PARD3: variants seen among roughly 807,000 people sequenced by gnomAD.
PARD3 encodes the protein par-3 family cell polarity regulator.
PARD3 carries 75 observed loss-of-function variants against 155.4 expected under a neutral mutation model. The ratio of observed to expected loss-of-function variants is 0.48; its 90% CI spans 0.40 to 0.58. The LOEUF (loss-of-function observed/expected upper bound fraction) is 0.58. Among genes scored for constraint, PARD3 ranks in the 20% least tolerant of loss-of-function variants. The pLI, the probability that PARD3 is intolerant of heterozygous loss-of-function variation, is 0.00. For missense variants in PARD3, 1,642 were observed against 1,721.7 expected (o/e 0.95, Z 0.82); for synonymous variants, 576 against 610.5 (o/e 0.94, Z 0.83).
intron 21 of PARD3, among the ~76,000 whole-genome samples, chr10:34,277,714 A>G (rs999857239): frequency 1.3e-5 from 2 of 152,116 alleles, no homozygotes; most frequent in African/African-American, 4.8e-5. Flanking sequence ...ATGAGATGAA[A>G]CTGGTTTTAA....
chr10:34,220,706 T>C (rs1166482389), intron 22 of PARD3, among the ~76,000 whole-genome samples: 2 of 152,192 alleles, frequency 1.3e-5, no homozygotes, highest in African/African-American at 2.4e-5. Context: ...TAGGTCCTAG[T>C]TGGGAAGATT....
chr10:34,237,694 G>A (rs1007351100), intron 22 of PARD3, among the ~76,000 whole-genome samples: 1 of 152,080 alleles, frequency 6.6e-6, no homozygotes, highest in Non-Finnish European at 1.5e-5. Flanking sequence ...ATTTGATTAG[G>A]ACATTATTCT....
At chr10:34,545,884 T>A (rs929248568) in intron 2 of PARD3, among the ~76,000 whole-genome samples, 9 of 152,084 alleles carry the variant, frequency 5.9e-5, no homozygotes, top group African/African-American at 2.2e-4. Context: ...TTAAAACCTA[T>A]GTAGTTATTA....
At chr10:34,660,348 T>C (rs1234494632) in intron 2 of PARD3, among the ~76,000 whole-genome samples, 1 of 152,216 alleles carries the variant, frequency 6.6e-6, no homozygotes, top group Non-Finnish European at 1.5e-5. Flanking sequence ...AAATAATATC[T>C]AGATAAATAC....
intron 14 of PARD3, among the ~76,000 whole-genome samples, chr10:34,355,573 T>A (rs182661632): frequency 6.6e-6 from 1 of 152,130 alleles, no homozygotes; most frequent in African/African-American, 2.4e-5. Flanking sequence ...GTATTCATCC[T>A]AACAAGTGGT....
chr10:34,750,250 T>C (rs577372847), intron 1 of PARD3, among the ~76,000 whole-genome samples: 13 of 152,072 alleles, frequency 8.5e-5, no homozygotes, highest in African/African-American at 2.7e-4. Flanking sequence ...CAGTTTGGGA[T>C]TGAAAACAGA....
At chr10:34,799,387 T>C (rs1295570506) in intron 1 of PARD3, among the ~76,000 whole-genome samples, 1 of 151,922 alleles carries the variant, frequency 6.6e-6, no homozygotes, top group East Asian at 1.9e-4. Flanking sequence ...GGCCCCGAGA[T>C]TGTACATTTC....
intron 2 of PARD3, among the ~76,000 whole-genome samples, chr10:34,521,061 A>G (rs1450214640): frequency 6.6e-6 from 1 of 152,202 alleles, no homozygotes; most frequent in Non-Finnish European, 1.5e-5. Flanking sequence ...TCTCTCAAGA[A>G]TCGAGTCCTT....
intron 2 of PARD3, among the ~76,000 whole-genome samples, chr10:34,665,856 A>AGGAACAGGAACAGGAACAGGAACAG (rs2093446755): frequency 7.5e-6 from 1 of 133,330 alleles, no homozygotes; most frequent in Admixed American, 7.3e-5. Context: ...AGAACAGAAC[A>AGGAACAGGAACAGGAACAGGAACAG]GAACAGAACA....
chr10:34,126,173 GA>G (rs1416342512), intron 23 of PARD3, among the ~76,000 whole-genome samples: 1 of 152,108 alleles, frequency 6.6e-6, no homozygotes, highest in East Asian at 1.9e-4. Context: ...TTCAATTATG[GA>G]GCTAAGGAAA....
intron 3 of PARD3, among the ~76,000 whole-genome samples, chr10:34,483,605 A>G (rs1227911668): frequency 6.6e-6 from 1 of 151,940 alleles, no homozygotes; most frequent in African/African-American, 2.4e-5. Flanking sequence ...CTACCTTTCT[A>G]TTTCCATATG....
intron 1 of PARD3, among the ~76,000 whole-genome samples, chr10:34,767,930 A>G (rs1838319329): frequency 6.6e-6 from 1 of 152,120 alleles, no homozygotes. Context: ...TCAAAAAAAA[A>G]AGAGATTTTT....
chr10:34,758,627 G>C (rs1429647172), intron 1 of PARD3, among the ~76,000 whole-genome samples: 3 of 152,178 alleles, frequency 2.0e-5, no homozygotes, highest in Non-Finnish European at 2.9e-5. Context: ...CAAGCACTAA[G>C]GCCCTTCAAC....
At chr10:34,391,361 A>G (rs1224678061) in intron 7 of PARD3, among the ~76,000 whole-genome samples, 1 of 152,246 alleles carries the variant, frequency 6.6e-6, no homozygotes, top group African/African-American at 2.4e-5. Flanking sequence ...ACAGGGGCCT[A>G]GCGCCCTCCA....
At chr10:34,385,975 T>C (rs557176503) in intron 7 of PARD3, among the ~76,000 whole-genome samples, 1 of 152,346 alleles carries the variant, frequency 6.6e-6, no homozygotes, top group East Asian at 1.9e-4. Context: ...TTCAGATTCT[T>C]TCTTCATGAA....
intron 12 of PARD3, among the ~76,000 whole-genome samples, chr10:34,362,884 T>C (rs1258405563): frequency 6.6e-6 from 1 of 152,260 alleles, no homozygotes; most frequent in Non-Finnish European, 1.5e-5. Flanking sequence ...TAAATTTTGA[T>C]GTTTAAAATA....
intron 2 of PARD3, among the ~76,000 whole-genome samples, chr10:34,586,274 C>T (rs894403694): frequency 2.6e-5 from 4 of 152,062 alleles, no homozygotes; most frequent in Non-Finnish European, 5.9e-5. Context: ...TAAAGGAATT[C>T]AGGATCAAGA....
intron 2 of PARD3, among the ~76,000 whole-genome samples, chr10:34,618,617 T>TATCAATCA (rs1454386103): frequency 2.0e-5 from 3 of 152,210 alleles, no homozygotes; most frequent in African/African-American, 7.2e-5. Context: ...TAATGGTATG[T>TATCAATCA]ATCAATCAGG....
intron 3 of PARD3, among the ~76,000 whole-genome samples, chr10:34,496,871 A>AGTACTATTTTTAACGTTTAAAAATAGT (rs2080327344): frequency 6.6e-6 from 1 of 151,998 alleles, no homozygotes; most frequent in South Asian, 2.1e-4. Context: ...GTTATTAAAC[A>AGTACTATTTTTAACGTTTAAAAATAGT]GTACTATTTT....
Sources: gnomAD v4.1 joint callset for allele counts (sites outside exome capture counted in the v4.1 genomes callset) on GRCh38, gnomAD v4.1.1 for gene constraint, MANE v1.5 for transcripts, NCBI Gene and HGNC (gene_info 2026-07-23, HGNC 2026-07-21) for gene names.